SFRP2: variants seen among roughly 807,000 people sequenced by gnomAD.
SFRP2 encodes secreted frizzled-related protein 2.
In SFRP2, 16 loss-of-function variants were observed where a neutral mutation model predicts 26.0. The observed-to-expected ratio is 0.61, with a 90% CI of 0.42 to 0.93. The LOEUF (loss-of-function observed/expected upper bound fraction) is 0.93, where lower values mean the gene tolerates loss of function less well. Ranked by LOEUF, SFRP2 falls within the 40% of genes least tolerant of loss-of-function variation. The pLI is 0.00. For synonymous variants in SFRP2, 173 were observed against 167.3 expected (o/e 1.03, Z -0.26); for missense variants, 343 against 392.4 (o/e 0.87, Z 1.06).
chr4:153,781,702 T>A lies in SFRP2; in HGVS notation c.637A>T (p.Ile213Phe). 1 of 1,614,214 alleles carries A rather than the reference T, an allele frequency of 6.2e-7. No homozygotes were observed. Among genetic ancestry groups the A allele is most frequent in the South Asian group, 1.1e-5 (1 of 91,080 alleles). ...ATGGTCTTGCTCTTGGTCTCCAGGA[T>A]GATTTTGGTATCTCGGTTGATGTAG... ...ITYINRDTKIILETKSKTIYK... is the reference protein window; with the variant it reads ...ITYINRDTKIFLETKSKTIYK... The change falls in exon 3 of 3, where the codon ATC (isoleucine) becomes TTC (phenylalanine). Residue 213 changes from isoleucine (I) to phenylalanine (F), a missense_variant. By Grantham distance (21) the Ile-to-Phe change is conservative. Around this residue, in one of 2 missense-constraint regions of SFRP2, gnomAD observed 92 missense variants for 139.0 expected, o/e 0.66. Coordinates refer to ENST00000274063, the MANE Select transcript of SFRP2 (RefSeq NM_003013.3).
At position 153,785,933 on chromosome 4, in the gene SFRP2, A is replaced by T; in HGVS notation, c.514T>A (p.Cys172Ser). ...TCATTTTTATTTTTGCAGGCTTCAC[A>T]TACCTTTGGAGCTAGAAATGTGAAA... ...LPATEEAPKV[C>S]EACKNKNDDD... The change falls in exon 2 of 3, where the codon TGT (cysteine) becomes AGT (serine). Residue 172 changes from cysteine to serine, a missense_variant. Cys to Ser is a moderately radical substitution (Grantham distance 112). Transcript: ENST00000274063. 1.3e-6 allele frequency: 2 copies of T among 1,599,848 alleles called. No individual in the cohort carries two copies. The highest frequency in any genetic ancestry group is 1.7e-6 in the Non-Finnish European group (2 of 1,173,200).
chr4:153,781,482 A>T lies in SFRP2; in HGVS notation c.857T>A (p.Ile286Asn). ...WQKGQREFKR[I>N]SRSIRKLQC is the part of the protein sequence containing the mutation. Reference sequence around the variant, plus strand: ...CTGCAGCTTGCGGATGCTGCGGGAGATGCGCTTGAACTCTCTCTGCCCCTT... The same window carrying T: ...CTGCAGCTTGCGGATGCTGCGGGAGTTGCGCTTGAACTCTCTCTGCCCCTT... The change falls in exon 3 of 3, where the codon ATC becomes AAC. Residue 286 changes from isoleucine to asparagine, a missense_variant. Ile to Asn is a moderately radical substitution (Grantham distance 149). This residue lies in a region of SFRP2 where 92 missense variants were observed against 139.0 expected (regional missense o/e 0.66). Transcript: ENST00000274063. The T allele has an allele frequency of 6.2e-7, 1 of 1,613,762 alleles. No homozygotes were observed. Among genetic ancestry groups the T allele is most frequent in the Non-Finnish European group, 8.5e-7 (1 of 1,180,010 alleles).
In SFRP2 at chr4:153,788,539, G is replaced by C. The variant is rs1389907923; in HGVS notation, c.297C>G (p.Phe99Leu). 6.2e-7 allele frequency: 1 copy of C among 1,614,072 alleles called. No homozygotes were observed. Among genetic ancestry groups the C allele is most frequent in the Non-Finnish European group, 8.5e-7 (1 of 1,180,038 alleles). The part of the protein sequence containing the change: ...PDTKKFLCSL[F>L]APVCLDDLDE... ...CTAGGTCATCGAGGCAGACGGGGGC[G>C]AAGAGCGAGCACAGGAACTTCTTGG... The change falls in exon 1 of 3, where the codon TTC (phenylalanine) becomes TTG (leucine). Residue 99 changes from phenylalanine to leucine, a missense_variant. Phe to Leu is a conservative substitution (Grantham distance 22). Around this residue, in one of 2 missense-constraint regions of SFRP2, gnomAD observed 251 missense variants for 253.3 expected, o/e 0.99. Transcript: ENST00000274063.
In SFRP2 at chr4:153,788,446, G is replaced by A; in HGVS notation, c.390C>T (p.Ser130=). Residue 130 remains serine, a synonymous_variant, in exon 1 of 3, where the codon TCC becomes TCT. Coordinates refer to ENST00000274063, the MANE Select transcript of SFRP2 (RefSeq NM_003013.3). The stretch of plus-strand genomic sequence containing the variant: ...TGTCGGGCCAGGGGAAGCCGAAGGC[G>A]GACATGACCGGGGCGCAGCGGTCCT... ...QVKDRCAPVM[S]AFGFPWPDML... The A allele has an allele frequency of 6.2e-7, 1 of 1,614,216 alleles. No individual in the cohort carries two copies. Among genetic ancestry groups the A allele is most frequent in the Middle Eastern group, 1.6e-4 (1 of 6,062 alleles).
rs78694482 is a variant in SFRP2, at chr4:153,785,184, G to A, written c.583+680C>T. Reference sequence around the variant, plus strand: ...TTTTTTCCTTTTTAAAACTATTTTCGAAACTGTGGCAAATGTGTCTAGACT... The same window carrying A: ...TTTTTTCCTTTTTAAAACTATTTTCAAAACTGTGGCAAATGTGTCTAGACT... On this transcript the variant is annotated intron_variant, in intron 2 of 2. Coordinates refer to ENST00000274063, the MANE Select transcript of SFRP2 (RefSeq NM_003013.3). Among the ~76,000 whole-genome samples the A allele has an allele frequency of 6.6e-3, 1,007 of 151,632 alleles. 9 individuals carry two copies. The highest frequency in any genetic ancestry group is 0.023 in the African/African-American group (949 of 41,298).
chr4:153,788,596 G>T lies in SFRP2; in HGVS notation c.240C>A (p.Ile80=), dbSNP rs768299995. The T allele has an allele frequency of 2.5e-6, 4 of 1,614,210 alleles. No individual in the cohort carries two copies. The highest frequency in any genetic ancestry group is 1.1e-5 in the South Asian group (1 of 91,090). The change falls in exon 1 of 3, where the codon ATC becomes ATA. Residue 80 remains isoleucine, a synonymous_variant. Transcript: ENST00000274063. ...KEVLEQAGAW[I]PLVMKQCHPD... ...GGTGGCACTGCTTCATGACCAGCGGGATCCAAGCGCCGGCCTGCTCCAGCA... is the reference window on the plus strand; with the variant it reads ...GGTGGCACTGCTTCATGACCAGCGGTATCCAAGCGCCGGCCTGCTCCAGCA...
At position 153,780,778 on chromosome 4, in the gene SFRP2, CAA is replaced by C. The variant is rs1309138536; in HGVS notation, c.*671_*672del. On this transcript the variant is annotated 3_prime_UTR_variant, in exon 3 of 3. Coordinates refer to ENST00000274063, the MANE Select transcript of SFRP2 (RefSeq NM_003013.3). The stretch of plus-strand genomic sequence containing the variant: ...TGTTTTAAACAAGGCTTAAAGTACT[CAA>C]GTCAATTATAAAATTTATATCTTTT... The C allele has an allele frequency of 2.0e-5, 3 of 152,590 alleles. No individual in the cohort carries two copies. In the East Asian group the frequency reaches 5.8e-4, roughly 29 times the overall value. The allele number at this position is 152,590 out of a possible 1,614,324, so 9.5% of individuals were successfully genotyped here. A position where few individuals can be genotyped will look rare whatever the true frequency, so the allele number is the denominator to read the frequency against.
chr4:153,781,366 T>G lies in SFRP2; in HGVS notation c.*85A>C. On this transcript the variant is annotated 3_prime_UTR_variant, in exon 3 of 3. Transcript: ENST00000274063. ...GAGACTGGAGCAGCTAGGAGTGTGC[T>G]TGGGGAACGGGAGCTGAGATCCCGG... 7.7e-7 allele frequency: 1 copy of G among 1,295,660 alleles called. No homozygotes were observed. Among genetic ancestry groups the G allele is most frequent in the African/African-American group, 1.4e-5 (1 of 69,338 alleles). The allele number at this position is 1,295,660 out of a possible 1,614,324, so 80.3% of individuals were successfully genotyped here.
In SFRP2 at chr4:153,781,484, G is replaced by A. The variant is rs375548210; in HGVS notation, c.855C>T (p.Arg285=). 1 of 1,613,854 alleles carries A rather than the reference G, an allele frequency of 6.2e-7. No individual in the cohort carries two copies. Among genetic ancestry groups the A allele is most frequent in the Non-Finnish European group, 8.5e-7 (1 of 1,180,024 alleles). The part of the protein sequence containing the change: ...RWQKGQREFK[R]ISRSIRKLQC ...GCAGCTTGCGGATGCTGCGGGAGATGCGCTTGAACTCTCTCTGCCCCTTCT... is the reference window on the plus strand; with the variant it reads ...GCAGCTTGCGGATGCTGCGGGAGATACGCTTGAACTCTCTCTGCCCCTTCT... The change falls in exon 3 of 3, where the codon CGC becomes CGT. Residue 285 remains arginine (R), a synonymous_variant. Transcript: ENST00000274063.
rs373859519 is a variant in SFRP2 at position 153,788,731 on chromosome 4, G to A, written c.105C>T (p.Tyr35=). ...GGATGGGCTTGCAATTGCTGCGCTT[G>A]TAGGAGAAGTCGGGCTGGCCAAAGA... The part of the protein sequence containing the change: ...LFLFGQPDFS[Y]KRSNCKPIPA... Residue 35 remains tyrosine, a synonymous_variant, in exon 1 of 3, where the codon TAC becomes TAT. Coordinates refer to ENST00000274063, the MANE Select transcript of SFRP2 (RefSeq NM_003013.3). The A allele has an allele frequency of 1.2e-6, 2 of 1,613,574 alleles. No homozygotes were observed. The highest frequency in any genetic ancestry group is 2.7e-5 in the African/African-American group (2 of 74,936).
At chr4:153,784,025 A>T (rs559440037) in intron 2 of SFRP2, among the ~76,000 whole-genome samples, 2 of 152,216 alleles carry the variant, frequency 1.3e-5, no homozygotes, top group Non-Finnish European at 2.9e-5. Flanking sequence ...TCATGTCTTG[A>T]TAGGGCATCC....
chr4:153,781,267 A>G lies in SFRP2; in HGVS notation c.*184T>C, dbSNP rs1337475448. 1.5e-5 allele frequency: 9 copies of G among 586,628 alleles called. No homozygotes were observed. Among genetic ancestry groups the G allele is most frequent in the Non-Finnish European group, 2.4e-5 (8 of 330,936 alleles). The allele number at this position is 586,628 out of a possible 1,614,324, so 36.3% of individuals were successfully genotyped here. On this transcript the variant is annotated 3_prime_UTR_variant, in exon 3 of 3. Transcript: ENST00000274063. The stretch of plus-strand genomic sequence containing the variant: ...TTCCTTTAGGTGAAAACAGCTATCC[A>G]CTCCTGTGGCCTTATAACTCAGGAA...
At position 153,781,045 on chromosome 4, in the gene SFRP2, T is replaced by G. The variant is rs984340942; in HGVS notation, c.*406A>C. ...CACAAGTTTGGGCCACAGAGAAAAT[T>G]GAAGCAATTTGCATGTTATGACAAC... On this transcript the variant is annotated 3_prime_UTR_variant, in exon 3 of 3. Coordinates refer to ENST00000274063, the MANE Select transcript of SFRP2 (RefSeq NM_003013.3). 2 of 178,658 alleles carry G rather than the reference T, an allele frequency of 1.1e-5. No homozygotes were observed. Among genetic ancestry groups the G allele is most frequent in the African/African-American group, 2.4e-5 (1 of 42,172 alleles). 11.1% of individuals were successfully genotyped at this position (178,658 alleles called of 1,614,324 possible).
Position 153,788,353 on chromosome 4 carries a change from G to A in SFRP2, c.483C>T (p.Leu161=), listed in dbSNP as rs370521911. Residue 161 remains leucine (L), a synonymous_variant, in exon 1 of 3, where the codon CTC becomes CTT. Transcript: ENST00000274063. ...LCIPLASSDH[L]LPATEEAPKV... ...GCTTACCTTCCTCGGTGGCTGGCAG[G>A]AGGTGGTCGCTGCTAGCGAGGGGGA... The A allele has an allele frequency of 6.2e-7, 1 of 1,610,844 alleles. No individual in the cohort carries two copies. Among genetic ancestry groups the A allele is most frequent in the African/African-American group, 1.3e-5 (1 of 74,888 alleles).
At chr4:153,785,996 G>T in intron 1 of SFRP2, 52 bp from the exon 2 acceptor site, 3 of 1,190,516 alleles carry the variant, frequency 2.5e-6, no homozygotes, top group African/African-American at 1.6e-5. Context: ...GAGAACAGTA[G>T]GTGGCGTTTG....
chr4:153,786,134 T>G (rs79360581), intron 1 of SFRP2, among the ~76,000 whole-genome samples, 190 bp from the exon 2 acceptor site: 6,781 of 151,488 alleles, frequency 0.045, 368 homozygotes, highest in East Asian at 0.21. Context: ...CCAATTTTTT[T>G]GGGGGGGAGG....
chr4:153,781,232 G>A lies in SFRP2; in HGVS notation c.*219C>T. 5.6e-6 allele frequency: 3 copies of A among 531,884 alleles called. No homozygotes were observed. Among genetic ancestry groups the A allele is most frequent in the East Asian group, 5.8e-5 (2 of 34,288 alleles). The allele number at this position is 531,884 out of a possible 1,614,324, so 32.9% of individuals were successfully genotyped here. Reference sequence around the variant, plus strand: ...TAGTTTGAATATTTCTACAAGATTCGGGTGGGCTTTTCCTTTAGGTGAAAA... The same window carrying A: ...TAGTTTGAATATTTCTACAAGATTCAGGTGGGCTTTTCCTTTAGGTGAAAA... On this transcript the variant is annotated 3_prime_UTR_variant, in exon 3 of 3. Coordinates refer to ENST00000274063, the MANE Select transcript of SFRP2 (RefSeq NM_003013.3).
chr4:153,785,826 C>A, intron 2 of SFRP2, 38 bp downstream of exon 2: 1 of 1,350,906 alleles, frequency 7.4e-7, no homozygotes. Context: ...AATAAAACTT[C>A]TGAATGTGAA....
intron 2 of SFRP2, among the ~76,000 whole-genome samples, chr4:153,782,144 G>A (rs1296119687): frequency 1.3e-5 from 2 of 152,158 alleles, no homozygotes; most frequent in African/African-American, 2.4e-5. Flanking sequence ...CTGACTTTTA[G>A]GTGAAATATG....
Sources: gnomAD v4.1 joint callset for allele counts (sites outside exome capture counted in the v4.1 genomes callset) on GRCh38, gnomAD v4.1.1 for gene constraint, gnomAD v4.1.1 regional missense constraint, MANE v1.5 for transcripts, NCBI Gene and HGNC (gene_info 2026-07-23, HGNC 2026-07-21) for gene names.